Variants in GRIN2B observed in about 807,000 individuals in gnomAD.
GRIN2B encodes the protein glutamate ionotropic receptor NMDA type subunit 2B, also known as glutamate receptor ionotropic, NMDA 2B.
In GRIN2B, 5 loss-of-function variants were observed where a neutral mutation model predicts 114.5. That is an observed-to-expected ratio of 0.04 (90% CI 0.02 to 0.09). GRIN2B has a LOEUF of 0.09. Ranked by LOEUF, GRIN2B falls within the 10% of genes least tolerant of loss-of-function variation. GRIN2B has a pLI of 1.00. For missense variants in GRIN2B, 1,108 were observed against 1,943.5 expected (o/e 0.57, Z 8.08); for synonymous variants, 787 against 745.1 (o/e 1.06, Z -0.92).
At chr12:13,668,328 T>C (rs897211125) in intron 5 of GRIN2B, among the ~76,000 whole-genome samples, 4 of 152,222 alleles carry the variant, frequency 2.6e-5, no homozygotes, top group Non-Finnish European at 4.4e-5. Context: ...TCTGAAATGA[T>C]ATTCCAAAGT....
chr12:13,953,704 G>A (rs529516721), intron 2 of GRIN2B, among the ~76,000 whole-genome samples: 43 of 152,196 alleles, frequency 2.8e-4, no homozygotes, highest in African/African-American at 1.0e-3. Context: ...TTCTCTGCCA[G>A]GCAGCCACCA....
At chr12:13,860,180 T>C (rs1865730183) in intron 3 of GRIN2B, among the ~76,000 whole-genome samples, 2 of 151,926 alleles carry the variant, frequency 1.3e-5, no homozygotes, top group South Asian at 4.2e-4. Flanking sequence ...CAAGTGGGGG[T>C]AGAGGATAGG....
intron 5 of GRIN2B, among the ~76,000 whole-genome samples, chr12:13,656,039 C>T (rs968748884): frequency 4.6e-5 from 7 of 152,144 alleles, no homozygotes; most frequent in Non-Finnish European, 8.8e-5. Flanking sequence ...TTTCCCTCTC[C>T]GTTCTCTTGC....
At chr12:13,618,371 C>A (rs1255480541) in intron 5 of GRIN2B, among the ~76,000 whole-genome samples, 2 of 152,188 alleles carry the variant, frequency 1.3e-5, no homozygotes, top group Non-Finnish European at 2.9e-5. Context: ...AGTTGAGAAG[C>A]CCTAAAGTAC....
At chr12:13,639,165 C>A (rs376227719) in intron 5 of GRIN2B, among the ~76,000 whole-genome samples, 51 of 152,228 alleles carry the variant, frequency 3.4e-4, no homozygotes, top group African/African-American at 1.2e-3. Flanking sequence ...AAGCCATATT[C>A]TTTCCAGGCA....
At chr12:13,955,964 C>A (rs219930) in intron 2 of GRIN2B, among the ~76,000 whole-genome samples, 148,218 of 152,234 alleles carry the variant, frequency 0.97, 72,281 homozygotes, top group East Asian at 1. Flanking sequence ...AGGGCTGTTG[C>A]GAATACAGAG....
chr12:13,793,398 G>A (rs966157605), intron 3 of GRIN2B, among the ~76,000 whole-genome samples: 1 of 148,212 alleles, frequency 6.7e-6, no homozygotes, highest in Non-Finnish European at 1.5e-5. Context: ...TCCAACCTGG[G>A]CAACAAAGTG....
intron 5 of GRIN2B, among the ~76,000 whole-genome samples, chr12:13,669,819 G>A (rs1043116024): frequency 2.0e-5 from 3 of 152,086 alleles, no homozygotes; most frequent in South Asian, 2.1e-4. Context: ...GGTAGTGATT[G>A]ACCTCTATTG....
chr12:13,710,342 C>G (rs7301995), intron 4 of GRIN2B, among the ~76,000 whole-genome samples: 18,818 of 152,054 alleles, frequency 0.12, 1,921 homozygotes, highest in African/African-American at 0.28. Context: ...CCTCTCTCAC[C>G]GCTCCTATTC....
At chr12:13,781,615 A>G (rs991746614) in intron 3 of GRIN2B, among the ~76,000 whole-genome samples, 1 of 152,218 alleles carries the variant, frequency 6.6e-6, no homozygotes, top group Non-Finnish European at 1.5e-5. Flanking sequence ...ATACTCAGAC[A>G]CTGCCTGAGA....
At chr12:13,621,249 T>C (rs1172423569) in intron 5 of GRIN2B, among the ~76,000 whole-genome samples, 1 of 152,116 alleles carries the variant, frequency 6.6e-6, no homozygotes, top group Non-Finnish European at 1.5e-5. Flanking sequence ...GCAAACATCT[T>C]GAAAGTGCAT....
chr12:13,876,145 AAAG>A (rs1336224437), intron 2 of GRIN2B, among the ~76,000 whole-genome samples: 1 of 152,240 alleles, frequency 6.6e-6, no homozygotes, highest in Non-Finnish European at 1.5e-5. Flanking sequence ...TCTTTTGAAG[AAAG>A]CAAGGCCCTA....
intron 5 of GRIN2B, among the ~76,000 whole-genome samples, chr12:13,673,773 C>T (rs1035025024): frequency 2.0e-5 from 3 of 151,788 alleles, no homozygotes; most frequent in African/African-American, 7.3e-5. Flanking sequence ...TAAGAAAAGG[C>T]TGTTGTGAGA....
chr12:13,893,674 C>T (rs1866305966), intron 2 of GRIN2B, among the ~76,000 whole-genome samples: 1 of 152,056 alleles, frequency 6.6e-6, no homozygotes, highest in Non-Finnish European at 1.5e-5. Context: ...AAACATAAAA[C>T]TCAAATCTAT....
At chr12:13,834,859 C>T (rs2136707310) in intron 3 of GRIN2B, among the ~76,000 whole-genome samples, 1 of 152,256 alleles carries the variant, frequency 6.6e-6, no homozygotes, top group Non-Finnish European at 1.5e-5. Context: ...TTCTAATGCC[C>T]AAGCTGCACC....
At chr12:13,571,990 C>G (rs1050752604) in intron 10 of GRIN2B, 26 bp from the exon 11 acceptor site, 2 of 1,582,390 alleles carry the variant, frequency 1.3e-6, no homozygotes, top group Admixed American at 1.7e-5. Context: ...CAGATAGAGA[C>G]AGAGCGGGAG....
chr12:13,865,587 G>A (rs1021521176), intron 3 of GRIN2B, among the ~76,000 whole-genome samples: 2 of 152,098 alleles, frequency 1.3e-5, no homozygotes, highest in African/African-American at 2.4e-5. Flanking sequence ...AGCCGAGATG[G>A]CATCATTGCA....
chr12:13,932,982 T>TGTGTGC (rs1047261578), intron 2 of GRIN2B, among the ~76,000 whole-genome samples: 83 of 120,406 alleles, frequency 6.9e-4, no homozygotes, highest in African/African-American at 2.4e-3. Context: ...TGTGTGTGTG[T>TGTGTGC]GTGTGCGTGT....
At chr12:13,743,586 AAG>A (rs1246162650) in intron 4 of GRIN2B, among the ~76,000 whole-genome samples, 3 of 152,120 alleles carry the variant, frequency 2.0e-5, no homozygotes, top group Non-Finnish European at 4.4e-5. Flanking sequence ...AAGTGCCTGA[AAG>A]ATTTTTTTTC....
Sources: gnomAD v4.1 joint callset for allele counts (sites outside exome capture counted in the v4.1 genomes callset) on GRCh38, gnomAD v4.1.1 for gene constraint, MANE v1.5 for transcripts, NCBI Gene and HGNC (gene_info 2026-07-23, HGNC 2026-07-21) for gene names.